XPO6: variants seen among roughly 807,000 people sequenced by gnomAD.
The protein encoded by XPO6 is exportin 6.
In XPO6, 3 loss-of-function variants were observed where a neutral mutation model predicts 130.0. That is an observed-to-expected ratio of 0.02 (90% CI 0.01 to 0.06). XPO6 has a LOEUF of 0.06. Among genes scored for constraint, XPO6 ranks in the 10% least tolerant of loss-of-function variants. The pLI, the probability that XPO6 is intolerant of heterozygous loss-of-function variation, is 1.00. For missense variants in XPO6, 970 were observed against 1,393.0 expected (o/e 0.70, Z 4.83); for synonymous variants, 524 against 548.9 (o/e 0.95, Z 0.63).
At chr16:28,208,907 T>C (rs1298097201) in intron 1 of XPO6, 1 of 152,228 alleles carries the variant, frequency 6.6e-6, no homozygotes, top group Non-Finnish European at 1.5e-5. Context: ...AGCAGTATTA[T>C]TCACAATAGC....
At chr16:28,104,444 A>C (rs2086727229) in intron 21 of XPO6, 102 bp downstream of exon 21, 2 of 1,419,034 alleles carry the variant, frequency 1.4e-6, no homozygotes, top group Non-Finnish European at 1.9e-6. Flanking sequence ...TAACAGGCAG[A>C]ACTGAGCTTC....
At chr16:28,145,302 C>T (rs1463364060) in intron 9 of XPO6, among the ~76,000 whole-genome samples, 5 of 152,212 alleles carry the variant, frequency 3.3e-5, no homozygotes, top group African/African-American at 1.2e-4. Flanking sequence ...TTACTTTCCC[C>T]ATATATGGAT....
intron 4 of XPO6, among the ~76,000 whole-genome samples, chr16:28,173,864 G>A (rs1055612311): frequency 1.4e-4 from 22 of 152,184 alleles, no homozygotes; most frequent in Non-Finnish European, 2.9e-4. Flanking sequence ...GCCAGGAAAC[G>A]TTCTGTTCTT....
At chr16:28,149,486 T>A (rs1008230544) in intron 8 of XPO6, among the ~76,000 whole-genome samples, 1 of 152,232 alleles carries the variant, frequency 6.6e-6, no homozygotes, top group African/African-American at 2.4e-5. Context: ...ATAGACTGCA[T>A]GTGTGACAGT....
chr16:28,116,348 G>A (rs1205071217), intron 15 of XPO6, among the ~76,000 whole-genome samples: 1 of 152,128 alleles, frequency 6.6e-6, no homozygotes, highest in Non-Finnish European at 1.5e-5. Flanking sequence ...AGTAGTCCCA[G>A]CTACTCAAGA....
intron 21 of XPO6, among the ~76,000 whole-genome samples, chr16:28,102,599 G>A (rs542115021): frequency 3.3e-5 from 5 of 152,216 alleles, no homozygotes; most frequent in South Asian, 2.1e-4. Context: ...TTAGCCAGGC[G>A]TGGTGGCGGA....
At chr16:28,155,865 C>CA (rs2043176064) in intron 7 of XPO6, 1 of 1,295,696 alleles carries the variant, frequency 7.7e-7, no homozygotes. Context: ...ACACAAGGCA[C>CA]AAGCATTTTT....
chr16:28,113,569 C>A (rs1392346920), intron 15 of XPO6, among the ~76,000 whole-genome samples: 1 of 152,176 alleles, frequency 6.6e-6, no homozygotes, highest in East Asian at 1.9e-4. Flanking sequence ...ACAGATGGGA[C>A]CTAATGCTGG....
chr16:28,210,522 A>T (rs1440501281), intron 1 of XPO6, among the ~76,000 whole-genome samples: 1 of 152,258 alleles, frequency 6.6e-6, no homozygotes, highest in Non-Finnish European at 1.5e-5. Flanking sequence ...CAATAGACAG[A>T]TAAGGCTCAG....
intron 15 of XPO6, among the ~76,000 whole-genome samples, chr16:28,116,156 G>A (rs1173613679): frequency 6.6e-6 from 1 of 152,224 alleles, no homozygotes; most frequent in African/African-American, 2.4e-5. Context: ...CAACTTGGCT[G>A]TTTGGCTCAA....
chr16:28,168,464 C>T (rs1225880039), intron 5 of XPO6, among the ~76,000 whole-genome samples: 2 of 151,220 alleles, frequency 1.3e-5, no homozygotes, highest in Admixed American at 6.6e-5. Flanking sequence ...GCCTGAGCAA[C>T]AAAGAGACAT....
At chr16:28,130,238 T>C (rs2042638868) in intron 12 of XPO6, among the ~76,000 whole-genome samples, 1 of 152,254 alleles carries the variant, frequency 6.6e-6, no homozygotes, top group Non-Finnish European at 1.5e-5. Flanking sequence ...CATCCCATTG[T>C]CATACACGGT....
chr16:28,176,592 G>T (rs947414764), intron 3 of XPO6, among the ~76,000 whole-genome samples: 1 of 151,920 alleles, frequency 6.6e-6, no homozygotes, highest in Admixed American at 6.6e-5. Flanking sequence ...CCGCCTCCCG[G>T]GTTCATGCCA....
chr16:28,125,075 G>A lies in XPO6; in HGVS notation c.1766+614C>T, dbSNP rs149673889. 4.8e-3 allele frequency among the ~76,000 whole-genome samples: 727 copies of A among 152,318 alleles called. 10 individuals carry two copies. Among genetic ancestry groups the A allele is most frequent in the Non-Finnish European group, 4.1e-3 (280 of 68,028 alleles). On this transcript the variant is annotated intron_variant, in intron 13 of 23. Transcript: ENST00000304658. ...TAGAATCAAGTGTTCCTCAACAAGT[G>A]CATCTGTAAACCTGGTGTGAGACCC...
chr16:28,169,253 T>G (rs2043411721), intron 5 of XPO6, among the ~76,000 whole-genome samples: 1 of 152,160 alleles, frequency 6.6e-6, no homozygotes, highest in Admixed American at 6.5e-5. Flanking sequence ...ATTCTTACCC[T>G]TTACACCTTG....
intron 12 of XPO6, 126 bp from the exon 13 acceptor site, chr16:28,125,974 A>G: frequency 1.7e-6 from 2 of 1,193,868 alleles, no homozygotes; most frequent in Non-Finnish European, 2.4e-6. Flanking sequence ...AAACAAAGCA[A>G]CCCACGGGCT....
chr16:28,140,570 C>T (rs560754003), intron 9 of XPO6, among the ~76,000 whole-genome samples: 4 of 150,050 alleles, frequency 2.7e-5, no homozygotes, highest in East Asian at 2.0e-4. Flanking sequence ...CCCAGCTACT[C>T]GGGAGGCTGG....
In XPO6 at chr16:28,107,608, G is replaced by T. The variant is rs1479285273; in HGVS notation, c.2411C>A (p.Thr804Asn). The change falls in exon 18 of 24, where the codon ACC (threonine) becomes AAC (asparagine). Residue 804 changes from threonine (T) to asparagine (N), a missense_variant. Physicochemically the swap from Thr to Asn is moderately conservative, Grantham distance 65. Around this residue, in one of 4 missense-constraint regions of XPO6, gnomAD observed 936 missense variants for 1,306.8 expected, o/e 0.72. Coordinates refer to ENST00000304658, the MANE Select transcript of XPO6 (RefSeq NM_015171.4). ...CTGGTAGCAAATCTGTCGAGACTTG[G>T]TGGACTCCCCCGAGATATTCTCCAC... ...DIVENISGES[T>N]KSRQICYQSL... 8 of 1,614,014 alleles carry T rather than the reference G, an allele frequency of 5.0e-6. No individual in the cohort carries two copies. Among genetic ancestry groups the T allele is most frequent in the Non-Finnish European group, 6.8e-6 (8 of 1,180,026 alleles).
At chr16:28,130,443 A>G (rs2042643743) in intron 12 of XPO6, among the ~76,000 whole-genome samples, 1 of 152,190 alleles carries the variant, frequency 6.6e-6, no homozygotes, top group Non-Finnish European at 1.5e-5. Flanking sequence ...AGGTTATTTG[A>G]GGGGGTAAAT....
Sources: allele counts gnomAD v4.1 joint callset (sites outside exome capture counted in the v4.1 genomes callset), GRCh38; gene constraint gnomAD v4.1.1; regional missense constraint gnomAD v4.1.1; transcripts MANE v1.5; gene names NCBI Gene and HGNC (gene_info 2026-07-23, HGNC 2026-07-21).